Variants in ATMIN observed in about 807,000 individuals in gnomAD.
ATMIN encodes the protein ATM INteracting protein.
Under a neutral mutation model 49.2 loss-of-function variants are expected in ATMIN, and 24 were observed. The ratio of observed to expected loss-of-function variants is 0.49; its 90% CI spans 0.35 to 0.69. ATMIN has a LOEUF of 0.69. Among genes scored for constraint, ATMIN ranks in the 30% least tolerant of loss-of-function variants. The pLI is 0.00. For missense variants in ATMIN, 1,037 were observed against 1,005.5 expected, an observed-to-expected ratio of 1.03 and a Z score of -0.42; for synonymous variants, 450 against 392.5, an observed-to-expected ratio of 1.15 and a Z score of -1.73.
rs1172352833 is a variant in ATMIN, at chr16:81,043,332, C to T, written c.834C>T (p.Asn278=). ...EPSFEDSCGS[N]TDKQTLTTPP... is the part of the protein sequence containing the mutation. ...CTTTTGAAGACTCTTGTGGCTCTAACACTGACAAGCAGACTCTTACAACAC... is the reference window on the plus strand; with the variant it reads ...CTTTTGAAGACTCTTGTGGCTCTAATACTGACAAGCAGACTCTTACAACAC... The change falls in exon 4 of 4, where the codon AAC becomes AAT. Residue 278 remains asparagine (N), a synonymous_variant. Coordinates refer to ENST00000299575, the MANE Select transcript of ATMIN (RefSeq NM_015251.3). The T allele has an allele frequency of 2.5e-6, 4 of 1,614,082 alleles. No individual in the cohort carries two copies. The highest frequency in any genetic ancestry group is 4.5e-5 in the East Asian group (2 of 44,856).
In ATMIN at chr16:81,044,956, G is replaced by C; in HGVS notation, c.2458G>C (p.Val820Leu). 6.2e-7 allele frequency: 1 copy of C among 1,611,978 alleles called. No individual in the cohort carries two copies. The highest frequency in any genetic ancestry group is 1.1e-5 in the South Asian group (1 of 90,972). ...CCAGACTTCTGCGGAACCACACACAGTCTCCAACTTCTAAAACTAACGGTG... is the reference window on the plus strand; with the variant it reads ...CCAGACTTCTGCGGAACCACACACACTCTCCAACTTCTAAAACTAACGGTG... ...ETQTSAEPHT[V>L]SNF Residue 820 changes from valine to leucine, a missense_variant, in exon 4 of 4, where the codon GTC (valine) becomes CTC (leucine). Transcript: ENST00000299575.
chr16:81,039,414 C>A (rs779710935), intron 1 of ATMIN, among the ~76,000 whole-genome samples: 1 of 152,120 alleles, frequency 6.6e-6, no homozygotes, highest in Non-Finnish European at 1.5e-5. Flanking sequence ...AACACCCCAC[C>A]CCCAACCAAA....
At position 81,036,010 on chromosome 16, in the gene ATMIN, G is replaced by C; in HGVS notation, c.140G>C (p.Ser47Thr). 2.6e-6 allele frequency: 3 copies of C among 1,144,000 alleles called. No homozygotes were observed. 70.9% of individuals were successfully genotyped at this position (1,144,000 alleles called of 1,614,324 possible). A position where few individuals can be genotyped will look rare whatever the true frequency, so the allele number is the denominator to read the frequency against. ...WVPPGPRLRG[S>T]RPRPAGATQQ... The stretch of plus-strand genomic sequence containing the variant: ...CCCCCGGGACCCCGACTGAGGGGCA[G>C]CCGGCCGCGGCCCGCGGGGGCGACG... The change falls in exon 1 of 4, where the codon AGC (serine) becomes ACC (threonine). Residue 47 changes from serine (S) to threonine (T), a missense_variant. Physicochemically the swap from Ser to Thr is moderately conservative, Grantham distance 58. Transcript: ENST00000299575.
chr16:81,045,046 G>C lies in ATMIN; in HGVS notation c.*76G>C. 1.3e-6 allele frequency: 2 copies of C among 1,511,672 alleles called. No individual in the cohort carries two copies. The highest frequency in any genetic ancestry group is 1.8e-6 in the Non-Finnish European group (2 of 1,125,860). The allele number at this position is 1,511,672 out of a possible 1,614,324, so 93.6% of individuals were successfully genotyped here. ...TTAAAACTACGGACTGGGGACAACA[G>C]TATTAATTCGATTGAATGTGGCTGA... On this transcript the variant is annotated 3_prime_UTR_variant, in exon 4 of 4. Coordinates refer to ENST00000299575, the MANE Select transcript of ATMIN (RefSeq NM_015251.3).
In ATMIN at chr16:81,046,769, C is replaced by A. The variant is rs1044720461; in HGVS notation, c.*1799C>A. ...AAACCTAGTAAGGGGACTAATGATT[C>A]ATTAAAGTAAATTGATGGTTTTGCT... On this transcript the variant is annotated 3_prime_UTR_variant, in exon 4 of 4. Coordinates refer to ENST00000299575, the MANE Select transcript of ATMIN (RefSeq NM_015251.3). The A allele has an allele frequency of 3.9e-5, 6 of 152,464 alleles. No homozygotes were observed. Among genetic ancestry groups the A allele is most frequent in the Non-Finnish European group, 7.4e-5 (5 of 68,024 alleles). The allele number at this position is 152,464 out of a possible 1,614,324, so 9.4% of individuals were successfully genotyped here.
In ATMIN at chr16:81,036,896, G is replaced by C. The variant is rs144512334; in HGVS notation, c.336+690G>C. On this transcript the variant is annotated intron_variant, in intron 1 of 3. Coordinates refer to ENST00000299575, the MANE Select transcript of ATMIN (RefSeq NM_015251.3). The stretch of plus-strand genomic sequence containing the variant: ...AAAAAAATGTTTTAAAGGAGCGGTA[G>C]GTTTGCCTCTAAACACCATCAGTCA... 3.0e-3 allele frequency among the ~76,000 whole-genome samples: 461 copies of C among 152,318 alleles called. 2 individuals carry two copies. Among genetic ancestry groups the C allele is most frequent in the African/African-American group, 0.01 (434 of 41,572 alleles).
rs889806185 is a variant in ATMIN, at chr16:81,036,067, G to T, written c.197G>T (p.Gly66Val). The T allele has an allele frequency of 1.5e-6, 2 of 1,308,616 alleles. No homozygotes were observed. Among genetic ancestry groups the T allele is most frequent in the African/African-American group, 1.5e-5 (1 of 65,686 alleles). 81.1% of individuals were successfully genotyped at this position (1,308,616 alleles called of 1,614,324 possible). A position where few individuals can be genotyped will look rare whatever the true frequency, so the allele number is the denominator to read the frequency against. ...CCCGCTGTCCCCGCGCCGCCGGCGG[G>T]GGAGCTGATCCAGCCGTCGGTGAGC... ...QQPAVPAPPA[G>V]ELIQPSVSEL... Residue 66 changes from glycine (G) to valine (V), a missense_variant, in exon 1 of 4, where the codon GGG (glycine) becomes GTG (valine). By Grantham distance (109) the Gly-to-Val change is moderately radical. Transcript: ENST00000299575.
rs1567565391 is a variant in ATMIN at position 81,044,105 on chromosome 16, G to C, written c.1607G>C (p.Ser536Thr). 2 of 1,614,042 alleles carry C rather than the reference G, an allele frequency of 1.2e-6. No homozygotes were observed. The highest frequency in any genetic ancestry group is 1.7e-6 in the Non-Finnish European group (2 of 1,180,028). Residue 536 changes from serine to threonine, a missense_variant, in exon 4 of 4, where the codon AGT becomes ACT. Ser to Thr is a moderately conservative substitution (Grantham distance 58). Transcript: ENST00000299575. ...NVATGNIISN[S>T]LVAETVTHSL... ...GCTACAGGTAACATTATAAGCAACAGTTTAGTAGCAGAGACAGTAACTCAT... is the reference window on the plus strand; with the variant it reads ...GCTACAGGTAACATTATAAGCAACACTTTAGTAGCAGAGACAGTAACTCAT...
rs1971087661 is a variant in ATMIN, at chr16:81,044,531, T to C, written c.2033T>C (p.Leu678Pro). Reference protein sequence around the residue: ...LDIETQTDFLLADTSAQSYGC... With the variant: ...LDIETQTDFLPADTSAQSYGC... ...ATAGAGACTCAAACGGACTTCTTACTCGCAGATACCTCTGCTCAGTCCTAT... is the reference window on the plus strand; with the variant it reads ...ATAGAGACTCAAACGGACTTCTTACCCGCAGATACCTCTGCTCAGTCCTAT... The change falls in exon 4 of 4, where the codon CTC becomes CCC. Residue 678 changes from leucine (L) to proline (P), a missense_variant. Physicochemically the swap from Leu to Pro is moderately conservative, Grantham distance 98. Coordinates refer to ENST00000299575, the MANE Select transcript of ATMIN (RefSeq NM_015251.3). 1 of 1,614,154 alleles carries C rather than the reference T, an allele frequency of 6.2e-7. No homozygotes were observed.
chr16:81,036,188 C>T lies in ATMIN; in HGVS notation c.318C>T (p.Val106=). The change falls in exon 1 of 4, where the codon GTC becomes GTT. Residue 106 remains valine, a synonymous_variant. Transcript: ENST00000299575. ...PNSPALNMHL[V]KSHRLQDGIV... ...GCCCCGCGCTCAACATGCACCTAGT[C>T]AAGAGCCACCGCCTGCAGGTGAGCC... The T allele has an allele frequency of 3.4e-6, 5 of 1,458,484 alleles. No individual in the cohort carries two copies. In the South Asian group the frequency reaches 3.7e-5, roughly 11 times the overall value. 90.3% of individuals were successfully genotyped at this position (1,458,484 alleles called of 1,614,324 possible).
At chr16:81,038,458 A>T (rs530843451) in intron 1 of ATMIN, among the ~76,000 whole-genome samples, 36 of 152,016 alleles carry the variant, frequency 2.4e-4, no homozygotes, top group Non-Finnish European at 4.4e-4. Flanking sequence ...AGCAGGAATT[A>T]TACCTCACCA....
Position 81,041,415 on chromosome 16 carries a change from C to G in ATMIN, c.396C>G (p.Cys132Trp). The G allele has an allele frequency of 1.2e-6, 2 of 1,614,002 alleles. No homozygotes were observed. The highest frequency in any genetic ancestry group is 1.7e-6 in the Non-Finnish European group (2 of 1,179,968). Residue 132 changes from cysteine to tryptophan, a missense_variant, in exon 2 of 4, where the codon TGC becomes TGG. Cys to Trp is a radical substitution (Grantham distance 215). Transcript: ENST00000299575. ...KDLKTGPKFYCCPIEGCPRGP... is the reference protein window; with the variant it reads ...KDLKTGPKFYWCPIEGCPRGP... ...TGAAAACTGGACCGAAATTCTACTG[C>G]TGTCCAATTGAAGGCTGCCCCAGAG...
At chr16:81,041,723 C>T (rs1971040415) in intron 2 of ATMIN, 1 of 376,150 alleles carries the variant, frequency 2.7e-6, no homozygotes, top group Non-Finnish European at 4.7e-6. Flanking sequence ...ACCAGTTCAG[C>T]AAAGAATGAG....
rs140077063 is a variant in ATMIN at position 81,044,481 on chromosome 16, C to T, written c.1983C>T (p.Thr661=). The T allele has an allele frequency of 1.2e-5, 19 of 1,613,978 alleles. No individual in the cohort carries two copies. The highest frequency in any genetic ancestry group is 1.1e-4 in the East Asian group (5 of 44,878). Residue 661 remains threonine, a synonymous_variant, in exon 4 of 4, where the codon ACC becomes ACT. Coordinates refer to ENST00000299575, the MANE Select transcript of ATMIN (RefSeq NM_015251.3). ...AGAGTGAACTTAGCACCATGACCAC[C>T]GAGCCAGTCTTGGAGTCACTGGACA... ...TEESELSTMT[T]EPVLESLDIE... is the part of the protein sequence containing the mutation.
chr16:81,038,757 A>G (rs1180670742), intron 1 of ATMIN, among the ~76,000 whole-genome samples: 2 of 152,076 alleles, frequency 1.3e-5, no homozygotes, highest in Non-Finnish European at 2.9e-5. Flanking sequence ...AGTAGCTGAG[A>G]CTATAGGCTC....
chr16:81,036,332 C>T, intron 1 of ATMIN, 126 bp downstream of exon 1: 2 of 924,300 alleles, frequency 2.2e-6, no homozygotes, highest in Non-Finnish European at 2.6e-6. Flanking sequence ...GCTGCCCCAC[C>T]GGCCTCTGCC....
In ATMIN at chr16:81,044,716, A is replaced by T. The variant is rs773059209; in HGVS notation, c.2218A>T (p.Thr740Ser). The T allele has an allele frequency of 9.3e-6, 15 of 1,614,216 alleles. 1 individual carries two copies. The South Asian group carries it at 1.5e-4, about 17-fold the overall frequency. Residue 740 changes from threonine (T) to serine (S), a missense_variant, in exon 4 of 4, where the codon ACC becomes TCC. Thr to Ser is a moderately conservative substitution (Grantham distance 58). Transcript: ENST00000299575. ...SVSTDSSDTE[T>S]QTEGVSTAKN... ...GAGTACTGATTCATCTGACACAGAG[A>T]CCCAAACTGAAGGAGTCTCCACTGC...
intron 1 of ATMIN, among the ~76,000 whole-genome samples, chr16:81,039,494 A>G (rs985971696): frequency 1.6e-4 from 25 of 152,324 alleles, no homozygotes; most frequent in African/African-American, 5.8e-4. Flanking sequence ...TGCAAACTGT[A>G]GAGTATGTGC....
Position 81,044,268 on chromosome 16 carries a change from A to C in ATMIN, c.1770A>C (p.Leu590Phe), listed in dbSNP as rs201370892. The C allele has an allele frequency of 6.2e-7, 1 of 1,614,036 alleles. No individual in the cohort carries two copies. The highest frequency in any genetic ancestry group is 1.3e-5 in the African/African-American group (1 of 74,922). The change falls in exon 4 of 4, where the codon TTA becomes TTC. Residue 590 changes from leucine (L) to phenylalanine (F), a missense_variant. Leu to Phe is a conservative substitution (Grantham distance 22). Transcript: ENST00000299575. ...MTDNQTQTID[L>F]LSDLENILSS... ...ATAATCAGACCCAAACCATAGATTT[A>C]TTAAGTGATTTGGAAAACATCTTGT...
Sources: gnomAD v4.1 joint callset for allele counts (sites outside exome capture counted in the v4.1 genomes callset) on GRCh38, gnomAD v4.1.1 for gene constraint, MANE v1.5 for transcripts, NCBI Gene and HGNC (gene_info 2026-07-23, HGNC 2026-07-21) for gene names.